PSD3: variants seen among roughly 807,000 people sequenced by gnomAD.
The protein encoded by PSD3 is pleckstrin and Sec7 domain containing 3.
Under a neutral mutation model 105.5 loss-of-function variants are expected in PSD3, and 49 were observed. The ratio of observed to expected loss-of-function variants is 0.46; its 90% CI spans 0.37 to 0.59. The LOEUF is 0.59. Among genes scored for constraint, PSD3 ranks in the 20% least tolerant of loss-of-function variants. The probability of loss-of-function intolerance (pLI) is 0.00; values close to 1 mark genes in which losing one functional copy is unlikely to be tolerated. For missense variants in PSD3, 1,561 were observed against 1,263.8 expected (o/e 1.24, Z -3.57); for synonymous variants, 557 against 457.8 (o/e 1.22, Z -2.77).
intron 9 of PSD3, among the ~76,000 whole-genome samples, chr8:18,699,754 G>A (rs1021542405): frequency 2.6e-5 from 4 of 152,008 alleles, no homozygotes; most frequent in African/African-American, 9.7e-5. Context: ...AGAATGGTGG[G>A]TGGTCACACT....
intron 9 of PSD3, among the ~76,000 whole-genome samples, chr8:18,689,616 C>A (rs972258649): frequency 6.6e-6 from 1 of 152,148 alleles, no homozygotes; most frequent in Non-Finnish European, 1.5e-5. Context: ...TCAGTTAATT[C>A]AAAAGGCTCT....
In PSD3 at chr8:18,632,712, T is replaced by C. The variant is rs752118841; in HGVS notation, c.2311A>G (p.Thr771Ala). 7 of 1,611,216 alleles carry C rather than the reference T, an allele frequency of 4.3e-6. No individual in the cohort carries two copies. Among genetic ancestry groups the C allele is most frequent in the South Asian group, 2.2e-5 (2 of 91,022 alleles). The change falls in exon 11 of 16, where the codon ACT (threonine) becomes GCT (alanine). Residue 771 changes from threonine to alanine, a missense_variant. By Grantham distance (58) the Thr-to-Ala change is moderately conservative. Coordinates refer to ENST00000327040, the MANE Select transcript of PSD3 (RefSeq NM_015310.4). ...PKTISRIGSTTNPFLDIPHDP... is the reference protein window; with the variant it reads ...PKTISRIGSTANPFLDIPHDP... The stretch of plus-strand genomic sequence containing the variant: ...TGAGGAATGTCCAAAAATGGGTTAG[T>C]AGTACTTCCAATACGACTGATGGTC...
chr8:18,969,091 T>A (rs1824471396), intron 1 of PSD3, among the ~76,000 whole-genome samples: 1 of 152,162 alleles, frequency 6.6e-6, no homozygotes, highest in East Asian at 1.9e-4. Context: ...TTTTAAATCT[T>A]TAAATTACAA....
chr8:18,679,342 G>C (rs1158608041), intron 9 of PSD3, among the ~76,000 whole-genome samples: 7 of 152,242 alleles, frequency 4.6e-5, no homozygotes, highest in Non-Finnish European at 8.8e-5. Flanking sequence ...GGGGAGAATA[G>C]AGGTGATGGT....
Position 18,545,221 on chromosome 8 carries a change from A to G in PSD3, c.2929-9263T>C, listed in dbSNP as rs1318167546. ...AAAATGAACATTCTGTAAGTCTACA[A>G]AGCTTACTTAGAAAATACCACACAT... On this transcript the variant is annotated intron_variant, in intron 15 of 15. Coordinates refer to ENST00000327040, the MANE Select transcript of PSD3 (RefSeq NM_015310.4). Among the ~76,000 whole-genome samples, 4 of 152,188 alleles carry G rather than the reference A, an allele frequency of 2.6e-5. No homozygotes were observed. In the South Asian group the frequency reaches 6.2e-4, roughly 24 times the overall value.
In PSD3 at chr8:18,529,000, G is replaced by C. The variant is rs901831197; in HGVS notation, c.*6743C>G. 2.0e-4 allele frequency: 30 copies of C among 152,200 alleles called. No individual in the cohort carries two copies. Among genetic ancestry groups the C allele is most frequent in the African/African-American group, 7.2e-4 (30 of 41,442 alleles). The allele number at this position is 152,200 out of a possible 1,614,324, so 9.4% of individuals were successfully genotyped here. On this transcript the variant is annotated 3_prime_UTR_variant, in exon 16 of 16. Transcript: ENST00000327040. The stretch of plus-strand genomic sequence containing the variant: ...CCAGTAAAGCTCAGAGGGGAGTGTG[G>C]ACAAGGCACATCAGTGCTCCTACAG...
intron 2 of PSD3, among the ~76,000 whole-genome samples, chr8:18,909,273 C>G (rs189645626): frequency 1.3e-5 from 2 of 152,276 alleles, no homozygotes; most frequent in African/African-American, 4.8e-5. Flanking sequence ...AACGTTATCT[C>G]TCCCTTAAGG....
At chr8:19,002,719 T>A (rs1826469044) in intron 1 of PSD3, among the ~76,000 whole-genome samples, 1 of 152,072 alleles carries the variant, frequency 6.6e-6, no homozygotes, top group South Asian at 2.1e-4. Context: ...CATGAATAAA[T>A]AATGACAAGA....
At chr8:19,081,895 C>T (rs893095037) in intron 1 of PSD3, among the ~76,000 whole-genome samples, 3 of 152,166 alleles carry the variant, frequency 2.0e-5, no homozygotes, top group Admixed American at 6.5e-5. Context: ...CTGTAACCAA[C>T]GTTTCACTTT....
intron 1 of PSD3, among the ~76,000 whole-genome samples, chr8:18,942,481 G>T (rs543908133): frequency 1.3e-5 from 2 of 152,184 alleles, no homozygotes; most frequent in Non-Finnish European, 2.9e-5. Context: ...GGGCTGAATT[G>T]TGTCCCCCCA....
At chr8:18,972,397 C>G (rs139901101) in intron 1 of PSD3, among the ~76,000 whole-genome samples, 4 of 152,330 alleles carry the variant, frequency 2.6e-5, no homozygotes, top group Admixed American at 1.3e-4. Flanking sequence ...CAGATGTGAT[C>G]AAAGAGCAGC....
chr8:18,652,117 C>T (rs774576587), intron 10 of PSD3, among the ~76,000 whole-genome samples: 6 of 152,174 alleles, frequency 3.9e-5, no homozygotes, highest in African/African-American at 9.6e-5. Context: ...AAGCCGGAAA[C>T]GCTGGTGTCA....
Position 18,728,063 on chromosome 8 carries a change from GA to G in PSD3, c.2172+37385del, listed in dbSNP as rs371653321. On this transcript the variant is annotated intron_variant, in intron 9 of 15. Transcript: ENST00000327040. The stretch of plus-strand genomic sequence containing the variant: ...TGAATGAATGATTTTATGAAAAACA[GA>G]AAAAAAAAAGCGGAGAAAGGGAAGT... Among the ~76,000 whole-genome samples the G allele has an allele frequency of 2.5e-3, 365 of 145,540 alleles. 3 individuals carry two copies. The highest frequency in any genetic ancestry group is 7.9e-3 in the African/African-American group (314 of 39,932).
At chr8:18,859,538 T>C (rs1447030239) in intron 4 of PSD3, among the ~76,000 whole-genome samples, 2 of 152,246 alleles carry the variant, frequency 1.3e-5, no homozygotes, top group Non-Finnish European at 2.9e-5. Context: ...CTTTTTCCAA[T>C]AGATGGCTAT....
intron 11 of PSD3, among the ~76,000 whole-genome samples, chr8:18,609,697 T>A (rs1805110808): frequency 6.6e-6 from 1 of 152,276 alleles, no homozygotes; most frequent in African/African-American, 2.4e-5. Flanking sequence ...GGGAGGAGTC[T>A]GCTTTCTGCA....
chr8:19,038,832 T>G (rs1586656072), intron 1 of PSD3, among the ~76,000 whole-genome samples: 1 of 152,322 alleles, frequency 6.6e-6, no homozygotes, highest in East Asian at 1.9e-4. Context: ...GGCTAAGCAA[T>G]TAAAATAGGT....
chr8:18,682,742 G>T (rs1045740214), intron 9 of PSD3, among the ~76,000 whole-genome samples: 10 of 152,066 alleles, frequency 6.6e-5, no homozygotes, highest in Non-Finnish European at 1.3e-4. Context: ...ACCTGTTAAT[G>T]CCAAAGTCTT....
intron 10 of PSD3, among the ~76,000 whole-genome samples, chr8:18,639,299 C>T (rs987089009): frequency 7.3e-5 from 11 of 151,614 alleles, no homozygotes; most frequent in Admixed American, 2.6e-4. Flanking sequence ...GGTTGCTGTA[C>T]ATCTTTGGTT....
At chr8:18,683,845 G>C (rs369714505) in intron 9 of PSD3, 1 of 765,166 alleles carries the variant, frequency 1.3e-6, no homozygotes, top group Non-Finnish European at 2.4e-6. Flanking sequence ...GACTGCCGCC[G>C]GATAGAATCC....
Sources: allele counts gnomAD v4.1 joint callset (sites outside exome capture counted in the v4.1 genomes callset), GRCh38; gene constraint gnomAD v4.1.1; transcripts MANE v1.5; gene names NCBI Gene and HGNC (gene_info 2026-07-23, HGNC 2026-07-21).